Variants in EXOC4 observed in about 807,000 individuals in gnomAD.
EXOC4 encodes SEC8-like 1.
Under a neutral mutation model 107.2 loss-of-function variants are expected in EXOC4, and 71 were observed. The ratio of observed to expected loss-of-function variants is 0.66; its 90% confidence interval spans 0.55 to 0.81. The LOEUF (loss-of-function observed/expected upper bound fraction) is 0.81. EXOC4 is among the 30% of genes least tolerant of loss of function. The pLI is 0.00. For synonymous variants in EXOC4, 456 were observed against 441.2 expected, an observed-to-expected ratio of 1.03 and a Z score of -0.42; for missense variants, 1,108 against 1,189.6, an observed-to-expected ratio of 0.93 and a Z score of 1.01.
At chr7:133,684,413 G>A (rs1794251118) in intron 10 of EXOC4, among the ~76,000 whole-genome samples, 1 of 152,072 alleles carries the variant, frequency 6.6e-6, no homozygotes. Flanking sequence ...TTGGTAATTT[G>A]AAAAATACTA....
intron 11 of EXOC4, among the ~76,000 whole-genome samples, chr7:133,881,999 C>T (rs950135498): frequency 6.6e-6 from 1 of 152,022 alleles, no homozygotes; most frequent in African/African-American, 2.4e-5. Context: ...AGTCAATATC[C>T]TCCCCACACT....
intron 10 of EXOC4, among the ~76,000 whole-genome samples, chr7:133,639,948 TG>T (rs1252877940): frequency 6.6e-6 from 1 of 152,124 alleles, no homozygotes; most frequent in African/African-American, 2.4e-5. Context: ...TGAAGGAATA[TG>T]GAAGTATGTT....
At chr7:133,431,954 G>T (rs1797865256) in intron 7 of EXOC4, among the ~76,000 whole-genome samples, 1 of 152,148 alleles carries the variant, frequency 6.6e-6, no homozygotes, top group African/African-American at 2.4e-5. Flanking sequence ...CTACTTGAAA[G>T]TACTGAGATT....
downstream of EXOC4, among the ~76,000 whole-genome samples, chr7:134,069,457 TCTC>T (rs1796242636): frequency 6.7e-6 from 1 of 149,646 alleles, no homozygotes; most frequent in African/African-American, 2.5e-5. Context: ...TCCTCCTCCT[TCTC>T]CTTCCTCCTC....
At chr7:133,994,272 T>C (rs1188820517) in intron 14 of EXOC4, among the ~76,000 whole-genome samples, 1 of 152,222 alleles carries the variant, frequency 6.6e-6, no homozygotes, top group East Asian at 1.9e-4. Flanking sequence ...GCTTCATCGA[T>C]GTCCCTGCAA....
intron 6 of EXOC4, among the ~76,000 whole-genome samples, chr7:133,361,501 C>T (rs1796135858): frequency 6.6e-6 from 1 of 152,116 alleles, no homozygotes; most frequent in Admixed American, 6.5e-5. Flanking sequence ...AGGATGGTCT[C>T]CATCTCCTGA....
At chr7:133,662,026 T>G (rs1365664848) in intron 10 of EXOC4, among the ~76,000 whole-genome samples, 1 of 152,166 alleles carries the variant, frequency 6.6e-6, no homozygotes, top group Non-Finnish European at 1.5e-5. Flanking sequence ...TCATTAAATC[T>G]TCACAAAAAC....
At chr7:133,400,954 G>T (rs1797075867) in intron 7 of EXOC4, among the ~76,000 whole-genome samples, 2 of 152,212 alleles carry the variant, frequency 1.3e-5, no homozygotes, top group Admixed American at 6.5e-5. Flanking sequence ...GGGGCACGAG[G>T]AGCTGTTTGT....
chr7:133,424,364 C>T (rs935748492), intron 7 of EXOC4, among the ~76,000 whole-genome samples: 1 of 151,998 alleles, frequency 6.6e-6, no homozygotes, highest in Non-Finnish European at 1.5e-5. Flanking sequence ...GACGCGCCGC[C>T]TTTAAGAGCT....
chr7:134,000,810 T>A (rs1453696620), intron 15 of EXOC4, among the ~76,000 whole-genome samples: 5 of 152,126 alleles, frequency 3.3e-5, no homozygotes, highest in African/African-American at 7.2e-5. Flanking sequence ...ACCACTGTAA[T>A]AGTACAGATA....
intron 9 of EXOC4, chr7:133,576,407 C>A: frequency 1.9e-6 from 2 of 1,060,590 alleles, no homozygotes; most frequent in Non-Finnish European, 2.4e-6. Context: ...GTCTCCGTCA[C>A]AGTCAAATTA....
At chr7:133,636,632 C>T (rs1191448140) in intron 10 of EXOC4, among the ~76,000 whole-genome samples, 1 of 152,162 alleles carries the variant, frequency 6.6e-6, no homozygotes, top group Non-Finnish European at 1.5e-5. Context: ...GATGATGATG[C>T]CATTCAAATT....
Position 134,064,718 on chromosome 7 carries a change from G to C in EXOC4, c.*190G>C. 1 of 396,238 alleles carries C rather than the reference G, an allele frequency of 2.5e-6. No individual in the cohort carries two copies. The highest frequency in any genetic ancestry group is 7.1e-5 in the South Asian group (1 of 14,032). The allele number at this position is 396,238 out of a possible 1,614,324, so 24.5% of individuals were successfully genotyped here. A position where few individuals can be genotyped will look rare whatever the true frequency, so the allele number is the denominator to read the frequency against. The stretch of plus-strand genomic sequence containing the variant: ...CTAAAGGAAGGCGACAGTACAGAGT[G>C]TTTTGGTTGAACAACTACTTTAATG... On this transcript the variant is annotated 3_prime_UTR_variant, in exon 18 of 18. Transcript: ENST00000253861.
chr7:134,071,783 G>C, the EXOC4 span, among the ~76,000 whole-genome samples: 1 of 152,194 alleles, frequency 6.6e-6, no homozygotes, highest in Non-Finnish European at 1.5e-5. Flanking sequence ...GCAAGATGGA[G>C]TCAACTATGC....
chr7:133,843,164 CAT>C lies in EXOC4; in HGVS notation c.1734+25623_1734+25624del, dbSNP rs553340232. ...GACTATTTGGGCTCTTTTTTGGTTT[CAT>C]ATGAATTTTTAAATAGTTTTTTTTT... On this transcript the variant is annotated intron_variant, in intron 11 of 17. Transcript: ENST00000253861. Among the ~76,000 whole-genome samples, 21 of 152,162 alleles carry C rather than the reference CAT, an allele frequency of 1.4e-4. No homozygotes were observed. In the South Asian group the frequency reaches 4.2e-3, roughly 30 times the overall value.
At chr7:133,278,191 A>T (rs1484044518) in intron 2 of EXOC4, among the ~76,000 whole-genome samples, 1 of 152,172 alleles carries the variant, frequency 6.6e-6, no homozygotes, top group Non-Finnish European at 1.5e-5. Flanking sequence ...AAACGAACAA[A>T]TAGATAACGT....
intron 14 of EXOC4, among the ~76,000 whole-genome samples, chr7:133,979,072 A>G (rs570118399): frequency 1.3e-5 from 2 of 152,310 alleles, no homozygotes; most frequent in East Asian, 1.9e-4. Context: ...AGTAAATATA[A>G]AAAGCATCTT....
Position 133,844,234 on chromosome 7 carries a change from C to G in EXOC4, c.1734+26690C>G, listed in dbSNP as rs544578262. ...ATTTTTTGGAATAGAGTGGTACCGG[C>G]TCTTCTTTATACATCTGGTAGAATT... On this transcript the variant is annotated intron_variant, in intron 11 of 17. Transcript: ENST00000253861. Among the ~76,000 whole-genome samples the G allele has an allele frequency of 2.4e-3, 365 of 152,126 alleles. 5 individuals are homozygous for G. The highest frequency in any genetic ancestry group is 8.2e-3 in the African/African-American group (341 of 41,524).
At chr7:133,908,445 G>T (rs1426700200) in intron 12 of EXOC4, among the ~76,000 whole-genome samples, 1 of 152,224 alleles carries the variant, frequency 6.6e-6, no homozygotes, top group East Asian at 1.9e-4. Flanking sequence ...GAATTAAAGA[G>T]GAAATAGGAA....
Sources: gnomAD v4.1 joint callset for allele counts (sites outside exome capture counted in the v4.1 genomes callset) on GRCh38, gnomAD v4.1.1 for gene constraint, MANE v1.5 for transcripts, NCBI Gene and HGNC (gene_info 2026-07-23, HGNC 2026-07-21) for gene names.